Variants in ECPAS observed in about 807,000 individuals in gnomAD.
ECPAS encodes the protein Ecm29 proteasome adaptor and scaffold.
In ECPAS, 70 loss-of-function variants were observed where a neutral mutation model predicts 255.1. That is an observed-to-expected ratio of 0.27 (90% CI 0.23 to 0.33). The LOEUF (loss-of-function observed/expected upper bound fraction) is 0.33. Ranked by LOEUF, ECPAS falls within the 10% of genes least tolerant of loss-of-function variation. The pLI is 1.00. For synonymous variants in ECPAS, 784 were observed against 775.0 expected, an observed-to-expected ratio of 1.01 and a Z score of -0.19; for missense variants, 1,817 against 2,206.4, an observed-to-expected ratio of 0.82 and a Z score of 3.54.
At chr9:111,373,050 A>C (rs2098129319) in intron 41 of ECPAS, 120 bp downstream of exon 41, 1 of 900,670 alleles carries the variant, frequency 1.1e-6, no homozygotes, top group Non-Finnish European at 1.8e-6. Context: ...AGAAAAGAAA[A>C]GAAACAAATG....
chr9:111,462,101 A>C (rs1304806963), intron 2 of ECPAS, among the ~76,000 whole-genome samples: 1 of 152,256 alleles, frequency 6.6e-6, no homozygotes, highest in South Asian at 2.1e-4. Flanking sequence ...AATCAATTCC[A>C]GATGGATCAT....
intron 1 of ECPAS, among the ~76,000 whole-genome samples, chr9:111,480,319 A>T: frequency 9.1e-6 from 1 of 109,472 alleles, no homozygotes; most frequent in Admixed American, 1.2e-4. Context: ...TTTTTTTGAG[A>T]CAGAGTCTAG....
At position 111,417,908 on chromosome 9, in the gene ECPAS, T is replaced by C; in HGVS notation, c.1658A>G (p.Glu553Gly). ...CTTTTCTTGGATGTAATAAACCATT[T>C]CTGGGAAGGAAGGCATCTGCTCAGA... ...STSEQMPSFP[E>G]MVYYIQEKAS... The change falls in exon 17 of 50, where the codon GAA becomes GGA. Residue 553 changes from glutamate (E) to glycine (G), a missense_variant. By Grantham distance (98) the Glu-to-Gly change is moderately conservative. Around this residue, in one of 4 missense-constraint regions of ECPAS, gnomAD observed 573 missense variants for 716.2 expected, o/e 0.80. Transcript: ENST00000684092. The C allele has an allele frequency of 6.3e-7, 1 of 1,577,420 alleles. No individual in the cohort carries two copies. Among genetic ancestry groups the C allele is most frequent in the South Asian group, 1.2e-5 (1 of 85,804 alleles).
chr9:111,376,106 A>G (rs758371989), intron 37 of ECPAS, among the ~76,000 whole-genome samples: 6 of 152,204 alleles, frequency 3.9e-5, no homozygotes, highest in Non-Finnish European at 5.9e-5. Context: ...TACCTACTTC[A>G]TTAAATACCT....
intron 20 of ECPAS, among the ~76,000 whole-genome samples, chr9:111,413,220 T>TA (rs2098197531): frequency 6.6e-6 from 1 of 152,204 alleles, no homozygotes. Context: ...TGCAAGATGA[T>TA]AGATTATTCA....
rs1301369730 is a variant in ECPAS, at chr9:111,465,621, CATG to C, written c.22+7273_22+7275del. ...AAAGAATATATATATATATATATTC[CATG>C]ATAATTTTATTTTATGATATAATTA... On this transcript the variant is annotated intron_variant, in intron 2 of 49. Transcript: ENST00000684092. Among the ~76,000 whole-genome samples the C allele has an allele frequency of 5.4e-5, 8 of 149,464 alleles. No homozygotes were observed. In the South Asian group the frequency reaches 6.3e-4, roughly 12 times the overall value.
rs1189403189 is a variant in ECPAS at position 111,378,681 on chromosome 9, G to C, written c.3853C>G (p.Pro1285Ala). Residue 1285 changes from proline (P) to alanine (A), a missense_variant, in exon 36 of 50, where the codon CCG becomes GCG. By Grantham distance (27) the Pro-to-Ala change is conservative (BLOSUM62 -1). Coordinates refer to ENST00000684092, the MANE Select transcript of ECPAS (RefSeq NM_001364929.1). ...ISKSAGAMLKPHAPKLIPALL... is the reference protein window; with the variant it reads ...ISKSAGAMLKAHAPKLIPALL... ...GCTGGAATGAGTTTTGGTGCATGCG[G>C]TTTCAACATGGCTCCTGCACTTTTG... 1 of 1,613,712 alleles carries C rather than the reference G, an allele frequency of 6.2e-7. No individual in the cohort carries two copies. The highest frequency in any genetic ancestry group is 1.7e-5 in the Admixed American group (1 of 60,000).
chr9:111,386,373 G>GT lies in ECPAS; in HGVS notation c.3527+3dup. 6.4e-7 allele frequency: 1 copy of GT among 1,562,866 alleles called. No homozygotes were observed. The highest frequency in any genetic ancestry group is 8.8e-7 in the Non-Finnish European group (1 of 1,137,870). Reference sequence around the variant, plus strand: ...GACTAAACTTATATTCCTAAAAACGGTACCTGGATTCTCGAACTCGCCACA... The same window carrying GT: ...GACTAAACTTATATTCCTAAAAACGGTTACCTGGATTCTCGAACTCGCCACA... On this transcript the variant is annotated splice_donor_region_variant and intron_variant, in intron 32 of 49. Coordinates refer to ENST00000684092, the MANE Select transcript of ECPAS (RefSeq NM_001364929.1).
At chr9:111,454,636 T>C (rs2098264611) in intron 2 of ECPAS, among the ~76,000 whole-genome samples, 1 of 152,122 alleles carries the variant, frequency 6.6e-6, no homozygotes, top group African/African-American at 2.4e-5. Flanking sequence ...AAATAAAAGA[T>C]AAGCTTGTTC....
chr9:111,415,875 G>A (rs2098202756), intron 18 of ECPAS, among the ~76,000 whole-genome samples: 1 of 152,156 alleles, frequency 6.6e-6, no homozygotes, highest in South Asian at 2.1e-4. Flanking sequence ...CCTAGAGCAA[G>A]TCAATAATCT....
At chr9:111,461,402 T>C (rs868475769) in intron 2 of ECPAS, among the ~76,000 whole-genome samples, 3 of 151,646 alleles carry the variant, frequency 2.0e-5, no homozygotes, top group Non-Finnish European at 4.4e-5. Context: ...GAGGTAGAGG[T>C]TGCAGTGAGC....
intron 25 of ECPAS, 62 bp downstream of exon 25, chr9:111,396,968 G>A: frequency 6.2e-7 from 1 of 1,601,248 alleles, no homozygotes; most frequent in Middle Eastern, 1.7e-4. Context: ...CCTCAAATGT[G>A]ATAAAGAGAA....
At chr9:111,399,790 C>T (rs569229067) in intron 24 of ECPAS, among the ~76,000 whole-genome samples, 68 of 152,368 alleles carry the variant, frequency 4.5e-4, no homozygotes, top group Admixed American at 2.7e-3. Context: ...CTAGACCCAC[C>T]CCAGGCAAGA....
intron 25 of ECPAS, 122 bp downstream of exon 25, chr9:111,396,908 A>G: frequency 7.7e-7 from 1 of 1,304,364 alleles, no homozygotes; most frequent in South Asian, 1.3e-5. Context: ...AAATTGGTAA[A>G]ACAGATATAA....
At chr9:111,440,208 C>T (rs945674423) in intron 6 of ECPAS, among the ~76,000 whole-genome samples, 164 bp downstream of exon 6, 2 of 151,796 alleles carry the variant, frequency 1.3e-5, no homozygotes, top group Non-Finnish European at 2.9e-5. Context: ...TTTGTAAAGC[C>T]GATAAGCAGT....
At chr9:111,473,827 G>C (rs1469385668) in intron 1 of ECPAS, among the ~76,000 whole-genome samples, 1 of 151,974 alleles carries the variant, frequency 6.6e-6, no homozygotes, top group Non-Finnish European at 1.5e-5. Context: ...ATTAGCCAGG[G>C]ATGGTGGTAC....
At chr9:111,425,907 C>T in intron 10 of ECPAS, 79 bp from the exon 11 acceptor site, 1 of 701,720 alleles carries the variant, frequency 1.4e-6, no homozygotes, top group Non-Finnish European at 2.4e-6. Context: ...CAGAATTCAG[C>T]AGCAGACCTT....
chr9:111,368,750 T>C (rs1004988613), intron 46 of ECPAS, among the ~76,000 whole-genome samples: 1 of 152,172 alleles, frequency 6.6e-6, no homozygotes, highest in African/African-American at 2.4e-5. Context: ...GCTGACGCCT[T>C]GATCTCGAAA....
rs751181060 is a variant in ECPAS, at chr9:111,362,164, T to C, written c.5386A>G (p.Lys1796Glu). 6.5e-7 allele frequency: 1 copy of C among 1,537,402 alleles called. No homozygotes were observed. Among genetic ancestry groups the C allele is most frequent in the Non-Finnish European group, 8.7e-7 (1 of 1,151,818 alleles). Residue 1796 changes from lysine to glutamate, a missense_variant, in exon 50 of 50, where the codon AAA (lysine) becomes GAA (glutamate). Lys to Glu is a moderately conservative substitution (Grantham distance 56). Around this residue, in one of 4 missense-constraint regions of ECPAS, gnomAD observed 960 missense variants for 1,179.0 expected, o/e 0.81. Transcript: ENST00000684092. ...TCAGATGTCAAACATTCCCACTGTT[T>C]AGATTCTGCATGAAAAAAAAAAAAC... ...ELLLKKLEESKQWECLTSECR... is the reference protein window; with the variant it reads ...ELLLKKLEESEQWECLTSECR...
Sources: allele counts gnomAD v4.1 joint callset (sites outside exome capture counted in the v4.1 genomes callset), GRCh38; gene constraint gnomAD v4.1.1; regional missense constraint gnomAD v4.1.1; transcripts MANE v1.5; gene names NCBI Gene and HGNC (gene_info 2026-07-23, HGNC 2026-07-21).